Variants in SLFN5 observed in about 807,000 individuals in gnomAD.
The protein encoded by SLFN5 is schlafen family member 5.
A neutral mutation model predicts 48.5 loss-of-function variants in SLFN5; 34 were observed. The observed-to-expected ratio is 0.70, with a 90% CI of 0.53 to 0.93. The LOEUF is 0.93. Ranked by LOEUF, SLFN5 falls within the 40% of genes least tolerant of loss-of-function variation. The pLI, the probability that SLFN5 is intolerant of heterozygous loss-of-function variation, is 0.00. For synonymous variants in SLFN5, 387 were observed against 396.2 expected (o/e 0.98, Z 0.28); for missense variants, 1,006 against 1,071.3 (o/e 0.94, Z 0.85).
chr17:35,266,142 A>T lies in SLFN5; in HGVS notation c.*254A>T. On this transcript the variant is annotated 3_prime_UTR_variant, in exon 5 of 5. Transcript: ENST00000299977. The stretch of plus-strand genomic sequence containing the variant: ...AATTAGAGGACCGTGAGACTCAGAG[A>T]TGTGTGTGTGTGTGTGTGTGTGTGT... The T allele has an allele frequency of 4.2e-6, 1 of 239,760 alleles. No homozygotes were observed. The highest frequency in any genetic ancestry group is 8.0e-6 in the Non-Finnish European group (1 of 124,934). The allele number at this position is 239,760 out of a possible 1,614,324, so 14.9% of individuals were successfully genotyped here. A position where few individuals can be genotyped will look rare whatever the true frequency, so the allele number is the denominator to read the frequency against.
chr17:35,265,779 T>A lies in SLFN5; in HGVS notation c.2567T>A (p.Val856Glu). Residue 856 changes from valine to glutamate, a missense_variant, in exon 5 of 5, where the codon GTG becomes GAG. Val to Glu is a moderately radical substitution (Grantham distance 121). Coordinates refer to ENST00000299977, the MANE Select transcript of SLFN5 (RefSeq NM_144975.4). ...CRFSGLERNI[V>E]FGINPGVAPP... ...TTTTCAGGCCTGGAAAGAAATATCG[T>A]GTTTGGAATCAATCCAGGAGTAGCC... The A allele has an allele frequency of 6.2e-7, 1 of 1,614,214 alleles. No homozygotes were observed. The highest frequency in any genetic ancestry group is 8.5e-7 in the Non-Finnish European group (1 of 1,180,038).
At chr17:35,260,259 T>C (rs1192647929) in intron 2 of SLFN5, among the ~76,000 whole-genome samples, 2 of 152,152 alleles carry the variant, frequency 1.3e-5, no homozygotes, top group Admixed American at 1.3e-4. Context: ...GTTGGTGACA[T>C]GCATCTATCC....
intron 1 of SLFN5, among the ~76,000 whole-genome samples, chr17:35,257,386 C>G (rs559161908): frequency 8.5e-5 from 13 of 152,098 alleles, no homozygotes; most frequent in Non-Finnish European, 1.5e-4. Context: ...TTAATTTCAC[C>G]AAGGACCTGC....
At chr17:35,259,919 C>T in intron 2 of SLFN5, 1 of 575,008 alleles carries the variant, frequency 1.7e-6, no homozygotes, top group Non-Finnish European at 3.0e-6. Flanking sequence ...TCAACAGATG[C>T]CCTGGCTAGT....
intron 3 of SLFN5, among the ~76,000 whole-genome samples, chr17:35,263,790 C>A (rs1373301541): frequency 8.0e-6 from 1 of 124,234 alleles, no homozygotes; most frequent in Non-Finnish European, 1.6e-5. Context: ...ACCACTGGTG[C>A]GACAGAGCAA....
chr17:35,254,195 T>G (rs11658727), intron 1 of SLFN5, among the ~76,000 whole-genome samples: 51,374 of 152,108 alleles, frequency 0.34, 10,282 homozygotes, highest in Middle Eastern at 0.51. Context: ...ATTATTGTCT[T>G]ATATTTGTAT....
chr17:35,253,615 TCCTCCCACCTTGG>T (rs1256832658), intron 1 of SLFN5, among the ~76,000 whole-genome samples: 1 of 151,186 alleles, frequency 6.6e-6, no homozygotes, highest in Non-Finnish European at 1.5e-5. Flanking sequence ...CCTCAAGCAA[TCCTCCCACCTTGG>T]CCTCCCAAAA....
At chr17:35,251,396 T>G (rs11654843) in intron 1 of SLFN5, among the ~76,000 whole-genome samples, 96,885 of 151,686 alleles carry the variant, frequency 0.64, 31,363 homozygotes, top group Middle Eastern at 0.75. Flanking sequence ...TAATTTGGGG[T>G]TTTTTTTTGT....
chr17:35,243,717 C>A (rs1424321422), intron 1 of SLFN5, among the ~76,000 whole-genome samples: 2 of 152,158 alleles, frequency 1.3e-5, no homozygotes, highest in Admixed American at 1.3e-4. Context: ...TTGGTCATAT[C>A]CGCAGTGGCT....
rs548838832 is a variant in SLFN5 at position 35,265,707 on chromosome 17, C to G, written c.2495C>G (p.Ala832Gly). The G allele has an allele frequency of 6.2e-7, 1 of 1,614,162 alleles. No homozygotes were observed. Among genetic ancestry groups the G allele is most frequent in the South Asian group, 1.1e-5 (1 of 91,086 alleles). Reference protein sequence around the residue: ...ESDLLLQIGDASDVLTDHIVL... With the variant: ...ESDLLLQIGDGSDVLTDHIVL... The stretch of plus-strand genomic sequence containing the variant: ...GATCTGTTACTACAGATCGGTGATG[C>G]GTCGGATGTTCTAACCGATCACATT... Residue 832 changes from alanine (A) to glycine (G), a missense_variant, in exon 5 of 5, where the codon GCG becomes GGG. Transcript: ENST00000299977.
In SLFN5 at chr17:35,268,564, A is replaced by C. The variant is rs571684310; in HGVS notation, c.*2676A>C. On this transcript the variant is annotated 3_prime_UTR_variant, in exon 5 of 5. Coordinates refer to ENST00000299977, the MANE Select transcript of SLFN5 (RefSeq NM_144975.4). ...AAATCCTGTCTCTACTAAAAATACA[A>C]AAATTAGCTGGGTGTGGTGGTGCAT... 1 of 152,340 alleles carries C rather than the reference A, an allele frequency of 6.6e-6. No homozygotes were observed. Among genetic ancestry groups the C allele is most frequent in the African/African-American group, 2.4e-5 (1 of 41,558 alleles). The allele number at this position is 152,340 out of a possible 1,614,324, so 9.4% of individuals were successfully genotyped here.
intron 1 of SLFN5, among the ~76,000 whole-genome samples, chr17:35,247,042 A>G (rs984491951): frequency 2.6e-5 from 3 of 114,014 alleles, no homozygotes; most frequent in Admixed American, 1.8e-4. Flanking sequence ...TGCTGCAGTA[A>G]CCAGCCTGGG....
intron 3 of SLFN5, among the ~76,000 whole-genome samples, chr17:35,263,383 G>C (rs992064215): frequency 6.6e-6 from 1 of 151,468 alleles, no homozygotes; most frequent in Admixed American, 6.6e-5. Flanking sequence ...CAACTGCCTC[G>C]GCCTCCCATG....
intron 1 of SLFN5, among the ~76,000 whole-genome samples, chr17:35,256,019 G>GGTTTGTGT (rs2092453224): frequency 6.6e-6 from 1 of 152,122 alleles, no homozygotes; most frequent in Non-Finnish European, 1.5e-5. Context: ...TGTATTCTGT[G>GGTTTGTGT]GTTTGTGTAT....
Position 35,250,506 on chromosome 17 carries a change from A to C in SLFN5, c.-41+7363A>C, listed in dbSNP as rs531531493. ...CCGGTCTCTACTAAAAAAAAATATC[A>C]AAAATTAGCCAGGCGTGGTGGCGGG... On this transcript the variant is annotated intron_variant, in intron 1 of 4. Transcript: ENST00000299977. Among the ~76,000 whole-genome samples, 27 of 152,264 alleles carry C rather than the reference A, an allele frequency of 1.8e-4. No homozygotes were observed. The East Asian group carries it at 5.2e-3, about 29-fold the overall frequency.
intron 1 of SLFN5, among the ~76,000 whole-genome samples, chr17:35,254,364 G>A (rs2092449937): frequency 6.6e-6 from 1 of 152,194 alleles, no homozygotes. Context: ...CTGCTCTGCA[G>A]CTGTTATTCC....
chr17:35,259,633 G>A lies in SLFN5; in HGVS notation c.943G>A (p.Val315Met). ...TGCCAAAGTGCCTAGTTCCTGGCAG[G>A]TGAAGGACAACCGTGTGAGACAATT... is the stretch of plus-strand genomic sequence containing the variant. ...VFAKVPSSWQ[V>M]KDNRVRQLPT... The change falls in exon 2 of 5, where the codon GTG becomes ATG. Residue 315 changes from valine to methionine, a missense_variant. By Grantham distance (21) the Val-to-Met change is conservative. Transcript: ENST00000299977. The A allele has an allele frequency of 6.2e-7, 1 of 1,605,256 alleles. No homozygotes were observed. Among genetic ancestry groups the A allele is most frequent in the Non-Finnish European group, 8.5e-7 (1 of 1,179,916 alleles).
At chr17:35,251,052 G>A (rs2092441147) in intron 1 of SLFN5, among the ~76,000 whole-genome samples, 1 of 152,128 alleles carries the variant, frequency 6.6e-6, no homozygotes, top group Admixed American at 6.5e-5. Context: ...TCTTCAGTGA[G>A]GGATTCTCTC....
intron 3 of SLFN5, among the ~76,000 whole-genome samples, chr17:35,261,319 A>C (rs912190177): frequency 2.6e-5 from 4 of 152,182 alleles, no homozygotes; most frequent in African/African-American, 7.2e-5. Flanking sequence ...AAACTTAAAA[A>C]GACTGATAAA....
Sources: gnomAD v4.1 joint callset for allele counts (sites outside exome capture counted in the v4.1 genomes callset) on GRCh38, gnomAD v4.1.1 for gene constraint, MANE v1.5 for transcripts, NCBI Gene and HGNC (gene_info 2026-07-23, HGNC 2026-07-21) for gene names.